TMEFF1: variants seen among roughly 807,000 people sequenced by gnomAD.
TMEFF1 encodes tomoregulin-1.
TMEFF1 carries 20 observed loss-of-function variants against 47.5 expected under a neutral mutation model. The ratio of observed to expected loss-of-function variants is 0.42; its 90% CI spans 0.30 to 0.61. The LOEUF (loss-of-function observed/expected upper bound fraction) is 0.61. Ranked by LOEUF, TMEFF1 falls within the 20% of genes least tolerant of loss-of-function variation. The probability of loss-of-function intolerance (pLI) is 0.19; values close to 1 mark genes in which losing one functional copy is unlikely to be tolerated. For missense variants in TMEFF1, 411 were observed against 471.1 expected, an observed-to-expected ratio of 0.87 and a Z score of 1.18; for synonymous variants, 162 against 166.3, an observed-to-expected ratio of 0.97 and a Z score of 0.20.
At position 100,557,391 on chromosome 9, in the gene TMEFF1, C is replaced by T. The variant is rs563668847; in HGVS notation, c.776-4006C>T. ...CTCTTCAAAAGGCCTTTAGTGTCTT[C>T]CTTGTCCATACGATGAAGAAAACAT... On this transcript the variant is annotated intron_variant, in intron 7 of 9. Transcript: ENST00000374879. Among the ~76,000 whole-genome samples the T allele has an allele frequency of 8.7e-4, 133 of 152,220 alleles. 1 individual carries two copies. The highest frequency in any genetic ancestry group is 1.3e-3 in the Non-Finnish European group (87 of 68,006).
chr9:100,533,059 AG>A (rs1388784386), intron 5 of TMEFF1, among the ~76,000 whole-genome samples: 4 of 128,422 alleles, frequency 3.1e-5, no homozygotes, highest in African/African-American at 9.1e-5. Context: ...GGACACAGGA[AG>A]GGGAATATCA....
At chr9:100,485,145 A>AAT (rs1257514116) in intron 1 of TMEFF1, among the ~76,000 whole-genome samples, 32 of 152,320 alleles carry the variant, frequency 2.1e-4, no homozygotes, top group African/African-American at 7.5e-4. Context: ...TTGACTGAAT[A>AAT]ATATTTCATT....
chr9:100,576,227 C>T (rs1369671500), intron 9 of TMEFF1, among the ~76,000 whole-genome samples: 1 of 152,076 alleles, frequency 6.6e-6, no homozygotes, highest in Non-Finnish European at 1.5e-5. Context: ...GGATATCTGT[C>T]AGGGATGCAT....
chr9:100,573,422 T>A (rs758468778), intron 9 of TMEFF1, among the ~76,000 whole-genome samples: 2 of 152,186 alleles, frequency 1.3e-5, no homozygotes, highest in Non-Finnish European at 2.9e-5. Flanking sequence ...TGGCATAAAA[T>A]GGGTCTTTTC....
intron 5 of TMEFF1, among the ~76,000 whole-genome samples, chr9:100,538,693 G>A (rs568285795): frequency 3.9e-5 from 6 of 151,984 alleles, no homozygotes; most frequent in African/African-American, 9.7e-5. Flanking sequence ...TGATTTTCTC[G>A]TGCACAGCAT....
At chr9:100,547,349 C>CT (rs1838755001) in intron 5 of TMEFF1, among the ~76,000 whole-genome samples, 1 of 152,132 alleles carries the variant, frequency 6.6e-6, no homozygotes, top group African/African-American at 2.4e-5. Flanking sequence ...GATCAGTAAA[C>CT]TAAGACTTAG....
rs888782334 is a variant in TMEFF1, at chr9:100,532,039, T to C, written c.560+15268T>C. Among the ~76,000 whole-genome samples, 196 of 147,932 alleles carry C rather than the reference T, an allele frequency of 1.3e-3. 4 individuals are homozygous for C. The East Asian group carries it at 0.039, about 29-fold the overall frequency. On this transcript the variant is annotated intron_variant, in intron 5 of 9. Coordinates refer to ENST00000374879, the MANE Select transcript of TMEFF1 (RefSeq NM_003692.5). ...GTGCTGGGAAAACTGGCTAGCCATA[T>C]GTAGAAAGCTGAAACTGGATCCCTT...
At chr9:100,504,717 C>T (rs190784059) in intron 2 of TMEFF1, among the ~76,000 whole-genome samples, 175 of 152,216 alleles carry the variant, frequency 1.1e-3, no homozygotes, top group African/African-American at 4.1e-3. Context: ...GGTTGGTGGG[C>T]CCAGGATTTG....
At chr9:100,538,108 A>G (rs1838555737) in intron 5 of TMEFF1, among the ~76,000 whole-genome samples, 1 of 152,008 alleles carries the variant, frequency 6.6e-6, no homozygotes, top group South Asian at 2.1e-4. Flanking sequence ...GCTAGAGTGC[A>G]TTGGCGCAGT....
At chr9:100,474,342 C>G (rs892245651) in intron 1 of TMEFF1, among the ~76,000 whole-genome samples, 1 of 150,640 alleles carries the variant, frequency 6.6e-6, no homozygotes, top group Admixed American at 6.6e-5. Context: ...CGCGCGCGCG[C>G]GCGTGTGTGT....
In TMEFF1 at chr9:100,473,922, G is replaced by A. The variant is rs1837169787; in HGVS notation, c.196+182G>A. 6.6e-6 allele frequency among the ~76,000 whole-genome samples: 1 copy of A among 151,846 alleles called. No individual in the cohort carries two copies. Among genetic ancestry groups the A allele is most frequent in the Non-Finnish European group, 1.5e-5 (1 of 67,968 alleles). On this transcript the variant is annotated intron_variant, in intron 1 of 9. Coordinates refer to ENST00000374879, the MANE Select transcript of TMEFF1 (RefSeq NM_003692.5). This position sits in a 1 kb window ranked among gnomAD's most constrained non-coding sequence, Gnocchi z 5.4. The stretch of plus-strand genomic sequence containing the variant: ...CGGTGTGGCTTTGGGACCGGCGCTG[G>A]GGATGGGAGTGGCCGTGGGTGCGTC...
chr9:100,550,139 C>A lies in TMEFF1; in HGVS notation c.754C>A (p.Gln252Lys), dbSNP rs749343370. 4 of 1,612,240 alleles carry A rather than the reference C, an allele frequency of 2.5e-6. No homozygotes were observed. The South Asian group carries it at 3.3e-5, about 13-fold the overall frequency. ...SLLGKKDDGL[Q>K]YRPDVKDASD... ...GTTGGGAAAGAAAGATGATGGACTA[C>A]AATATCGACCAGATGTGAAAGGTAC... Residue 252 changes from glutamine to lysine, a missense_variant, in exon 7 of 10, where the codon CAA becomes AAA. Gln to Lys is a moderately conservative substitution (Grantham distance 53). Coordinates refer to ENST00000374879, the MANE Select transcript of TMEFF1 (RefSeq NM_003692.5).
At chr9:100,544,559 G>A (rs1838697463) in intron 5 of TMEFF1, among the ~76,000 whole-genome samples, 1 of 152,168 alleles carries the variant, frequency 6.6e-6, no homozygotes, top group Non-Finnish European at 1.5e-5. Flanking sequence ...TTTAAGATGA[G>A]ATTTGGGTGG....
At chr9:100,567,046 T>C (rs1226397545) in intron 8 of TMEFF1, among the ~76,000 whole-genome samples, 1 of 152,082 alleles carries the variant, frequency 6.6e-6, no homozygotes, top group African/African-American at 2.4e-5. Flanking sequence ...TAAAAGTCAG[T>C]TCGTATCATT....
At chr9:100,527,140 C>CT (rs1393861576) in intron 5 of TMEFF1, among the ~76,000 whole-genome samples, 1 of 149,314 alleles carries the variant, frequency 6.7e-6, no homozygotes, top group East Asian at 2.0e-4. Flanking sequence ...GAAACTCTGT[C>CT]TTAAAAAAAA....
At chr9:100,576,335 A>G (rs1231632178) in intron 9 of TMEFF1, among the ~76,000 whole-genome samples, 181 bp from the exon 10 acceptor site, 1 of 152,212 alleles carries the variant, frequency 6.6e-6, no homozygotes, top group Non-Finnish European at 1.5e-5. Flanking sequence ...AGGAGGTAGC[A>G]GTCTGAATTG....
intron 7 of TMEFF1, among the ~76,000 whole-genome samples, chr9:100,550,913 C>T (rs1241010653): frequency 6.6e-6 from 1 of 152,240 alleles, no homozygotes; most frequent in Admixed American, 6.5e-5. Context: ...GATTCCAGGT[C>T]CCTTGACTTC....
At chr9:100,544,243 T>G (rs948347063) in intron 5 of TMEFF1, among the ~76,000 whole-genome samples, 2 of 152,070 alleles carry the variant, frequency 1.3e-5, no homozygotes, top group Non-Finnish European at 2.9e-5. Context: ...GTTTTCACAC[T>G]GCTGATAAAG....
intron 1 of TMEFF1, among the ~76,000 whole-genome samples, chr9:100,492,306 T>A (rs538799707): frequency 1.3e-5 from 2 of 152,346 alleles, no homozygotes; most frequent in African/African-American, 2.4e-5. Flanking sequence ...AGGTTTTTTT[T>A]AAAAAGTAGC....
Sources: allele counts gnomAD v4.1 joint callset (sites outside exome capture counted in the v4.1 genomes callset), GRCh38; gene constraint gnomAD v4.1.1; non-coding constraint Gnocchi (gnomAD v3.1); transcripts MANE v1.5; gene names NCBI Gene and HGNC (gene_info 2026-07-23, HGNC 2026-07-21).